ADK: variants seen among roughly 807,000 people sequenced by gnomAD.
ADK encodes the protein N6,N6-dimethyladenosine kinase.
Under a neutral mutation model 44.7 loss-of-function variants are expected in ADK, and 24 were observed. The observed-to-expected ratio is 0.54, with a 90% confidence interval of 0.39 to 0.76. The LOEUF (loss-of-function observed/expected upper bound fraction) is 0.76, where lower values mean the gene tolerates loss of function less well. Ranked by LOEUF, ADK falls within the 30% of genes least tolerant of loss-of-function variation. The probability of loss-of-function intolerance (pLI) is 0.00; values close to 1 mark genes in which losing one functional copy is unlikely to be tolerated. For missense variants in ADK, 321 were observed against 425.1 expected (o/e 0.76, Z 2.15); for synonymous variants, 128 against 142.6 (o/e 0.90, Z 0.73).
chr10:74,638,332 A>G (rs1354450463), intron 9 of ADK, among the ~76,000 whole-genome samples: 1 of 152,158 alleles, frequency 6.6e-6, no homozygotes, highest in Non-Finnish European at 1.5e-5. Flanking sequence ...AAAGATCAAT[A>G]TCTTACATGC....
At chr10:74,245,386 T>A (rs1033142616) in intron 3 of ADK, among the ~76,000 whole-genome samples, 3 of 152,168 alleles carry the variant, frequency 2.0e-5, no homozygotes, top group African/African-American at 7.2e-5. Context: ...CTTTTTTAAC[T>A]TTGGATTATA....
In ADK at chr10:74,213,070, T is replaced by C. The variant is rs1330244987; in HGVS notation, c.141-11468T>C. ...CCAGGCAGGCATATTCAGGAGACAG[T>C]TGGATTTATGTTTTTGGTGGGTAGA... On this transcript the variant is annotated intron_variant, in intron 2 of 10. Transcript: ENST00000539909. Among the ~76,000 whole-genome samples, 4 of 152,076 alleles carry C rather than the reference T, an allele frequency of 2.6e-5. No homozygotes were observed. In the East Asian group the frequency reaches 7.7e-4, roughly 29 times the overall value.
intron 4 of ADK, among the ~76,000 whole-genome samples, chr10:74,363,743 C>G (rs1842415026): frequency 6.6e-6 from 1 of 151,978 alleles, no homozygotes; most frequent in South Asian, 2.1e-4. Flanking sequence ...GACAGATACC[C>G]CTCTTCCAGC....
chr10:74,230,220 A>G (rs1448079635), intron 3 of ADK, among the ~76,000 whole-genome samples: 3 of 151,962 alleles, frequency 2.0e-5, no homozygotes, highest in African/African-American at 7.3e-5. Context: ...TAAAAATATC[A>G]TAAACATTTT....
chr10:74,550,632 T>C (rs577947868), intron 7 of ADK, among the ~76,000 whole-genome samples: 2 of 152,240 alleles, frequency 1.3e-5, no homozygotes, highest in East Asian at 1.9e-4. Flanking sequence ...GTTTGGTAGA[T>C]TGGAATAGGG....
chr10:74,315,740 A>C (rs1229120972), intron 4 of ADK, among the ~76,000 whole-genome samples: 1 of 152,230 alleles, frequency 6.6e-6, no homozygotes, highest in South Asian at 2.1e-4. Context: ...AGTAACTCTT[A>C]GTTGATTGAG....
At chr10:74,660,995 G>A (rs1169409571) in intron 9 of ADK, among the ~76,000 whole-genome samples, 1 of 151,992 alleles carries the variant, frequency 6.6e-6, no homozygotes, top group Non-Finnish European at 1.5e-5. Context: ...TTGTGTAACT[G>A]CACTCCAGCC....
At chr10:74,666,806 C>A (rs11001102) in intron 9 of ADK, among the ~76,000 whole-genome samples, 1 of 149,782 alleles carries the variant, frequency 6.7e-6, no homozygotes, top group Admixed American at 6.7e-5. Context: ...TAGGTCATGC[C>A]GGTAAAAACT....
rs767846626 is a variant in ADK at position 74,670,222 on chromosome 10, A to T, written c.917A>T (p.Gln306Leu). 3.7e-6 allele frequency: 6 copies of T among 1,614,018 alleles called. No homozygotes were observed. The highest frequency in any genetic ancestry group is 1.7e-4 in the Middle Eastern group (1 of 6,060). ...GCTTTTGCTGTCTTGGATCAAGACC[A>T]GAAAGAAATTATTGATACCAATGGA... ...VTAFAVLDQD[Q>L]KEIIDTNGAG... is the part of the protein sequence containing the mutation. Residue 306 changes from glutamine (Q) to leucine (L), a missense_variant, in exon 10 of 11, where the codon CAG (glutamine) becomes CTG (leucine). Physicochemically the swap from Gln to Leu is moderately radical, Grantham distance 113. Transcript: ENST00000539909.
chr10:74,166,601 C>T (rs142048202), intron 1 of ADK, among the ~76,000 whole-genome samples: 349 of 149,400 alleles, frequency 2.3e-3, no homozygotes, highest in African/African-American at 8.0e-3. Context: ...GTAGGAGAAT[C>T]GCTTGAACTT....
intron 9 of ADK, among the ~76,000 whole-genome samples, chr10:74,627,882 C>T (rs140102800): frequency 1.1e-4 from 17 of 152,300 alleles, no homozygotes; most frequent in African/African-American, 3.6e-4. Context: ...AGTGATCCAC[C>T]TGCCTTGGCC....
At chr10:74,218,607 G>A (rs1474833322) in intron 2 of ADK, among the ~76,000 whole-genome samples, 1 of 152,078 alleles carries the variant, frequency 6.6e-6, no homozygotes, top group African/African-American at 2.4e-5. Context: ...AATGTTAAGG[G>A]CAGCCAGAGA....
chr10:74,560,698 A>G (rs1447534279), intron 7 of ADK, among the ~76,000 whole-genome samples: 1 of 152,232 alleles, frequency 6.6e-6, no homozygotes. Flanking sequence ...TCCAAGTTAT[A>G]GTATTGAGAA....
intron 1 of ADK, among the ~76,000 whole-genome samples, chr10:74,200,471 C>T (rs971555547): frequency 7.2e-5 from 10 of 139,370 alleles, no homozygotes; most frequent in African/African-American, 2.7e-4. Context: ...GCGACAAGAG[C>T]GAAACTCCGT....
chr10:74,293,858 CA>C (rs1226951228), intron 3 of ADK, among the ~76,000 whole-genome samples: 2 of 152,150 alleles, frequency 1.3e-5, no homozygotes, highest in Non-Finnish European at 2.9e-5. Context: ...AGAATTACTG[CA>C]AAGTAAACAT....
At chr10:74,233,165 A>G (rs1221122961) in intron 3 of ADK, among the ~76,000 whole-genome samples, 1 of 152,174 alleles carries the variant, frequency 6.6e-6, no homozygotes, top group African/African-American at 2.4e-5. Context: ...TGCCACTATG[A>G]TATTAAGAAA....
chr10:74,248,528 G>A (rs1158899106), intron 3 of ADK, among the ~76,000 whole-genome samples: 2 of 152,006 alleles, frequency 1.3e-5, no homozygotes. Flanking sequence ...CTAATTTTTT[G>A]TATTTTTAGT....
intron 9 of ADK, among the ~76,000 whole-genome samples, chr10:74,611,867 A>T (rs567206907): frequency 6.6e-6 from 1 of 152,056 alleles, no homozygotes; most frequent in African/African-American, 2.4e-5. Context: ...TCTTTATCCA[A>T]TCCGCTGTTG....
intron 6 of ADK, among the ~76,000 whole-genome samples, chr10:74,460,580 T>G (rs1846140268): frequency 1.3e-5 from 2 of 152,208 alleles, no homozygotes; most frequent in African/African-American, 4.8e-5. Context: ...TTCTAATAAT[T>G]CAGTTATGAT....
Sources: allele counts gnomAD v4.1 joint callset (sites outside exome capture counted in the v4.1 genomes callset), GRCh38; gene constraint gnomAD v4.1.1; transcripts MANE v1.5; gene names NCBI Gene and HGNC (gene_info 2026-07-23, HGNC 2026-07-21).